CASD1: variants seen among roughly 807,000 people sequenced by gnomAD.
CASD1 encodes CAS1 domain sialic acid O acetyltransferase 1.
CASD1 carries 41 observed loss-of-function variants against 100.0 expected under a neutral mutation model. The ratio of observed to expected loss-of-function variants is 0.41; its 90% CI spans 0.32 to 0.53. The LOEUF (loss-of-function observed/expected upper bound fraction) is 0.53, where lower values mean the gene tolerates loss of function less well. Among genes scored for constraint, CASD1 ranks in the 20% least tolerant of loss-of-function variants. The pLI is 0.25. For missense variants in CASD1, 774 were observed against 948.7 expected (o/e 0.82, Z 2.42); for synonymous variants, 321 against 315.6 (o/e 1.02, Z -0.18).
intron 2 of CASD1, 150 bp from the exon 3 acceptor site, chr7:94,518,053 G>T: frequency 1.5e-6 from 1 of 646,366 alleles, no homozygotes; most frequent in Non-Finnish European, 2.5e-6. Flanking sequence ...ACGTGGAGTG[G>T]TAAGTTAAAC....
the CASD1 span, among the ~76,000 whole-genome samples, chr7:94,631,245 G>A: frequency 6.6e-5 from 10 of 151,582 alleles, no homozygotes; most frequent in East Asian, 3.9e-4. Flanking sequence ...ATCCCATTCC[G>A]CGAAACAAGA....
At chr7:94,617,808 C>T in the CASD1 span, 1 of 152,084 alleles carries the variant, frequency 6.6e-6, no homozygotes, top group Non-Finnish European at 1.5e-5. Context: ...CCACAGACTG[C>T]ATCCATGTGT....
the CASD1 span, among the ~76,000 whole-genome samples, chr7:94,604,604 T>C: frequency 6.6e-6 from 1 of 151,638 alleles, no homozygotes; most frequent in South Asian, 2.1e-4. Flanking sequence ...AAACTGATTA[T>C]CATCACAGGT....
the CASD1 span, among the ~76,000 whole-genome samples, chr7:94,586,061 GAAAAAAAAAAAA>G: frequency 1.7e-4 from 5 of 28,908 alleles, no homozygotes; most frequent in Admixed American, 1.0e-3. Context: ...GGAACTAAAT[GAAAAAAAAAAAA>G]AAAAAAAAAA....
the CASD1 span, chr7:94,626,036 A>G: frequency 6.6e-6 from 1 of 152,038 alleles, no homozygotes. Context: ...TGATGGCAAA[A>G]TTTTCATTGT....
intron 4 of CASD1, among the ~76,000 whole-genome samples, chr7:94,527,755 A>G (rs573190095): frequency 6.6e-6 from 1 of 152,310 alleles, no homozygotes; most frequent in East Asian, 1.9e-4. Context: ...TCCTAGAGAA[A>G]AAGGAGAACA....
At chr7:94,567,651 A>G in the CASD1 span, among the ~76,000 whole-genome samples, 4 of 152,184 alleles carry the variant, frequency 2.6e-5, no homozygotes, top group African/African-American at 7.2e-5. Flanking sequence ...AGGAATGTCT[A>G]CTGTTGCCAG....
Position 94,528,298 on chromosome 7 carries a change from C to A in CASD1, c.459+48C>A. On this transcript the variant is annotated intron_variant, in intron 5 of 17. Transcript: ENST00000297273. ...CTTTTTTTTTTTTTATTTTTATTCC[C>A]TTTACACAAGCATATTTTTATTCCC... is the stretch of plus-strand genomic sequence containing the variant. 3 of 1,302,460 alleles carry A rather than the reference C, an allele frequency of 2.3e-6. No homozygotes were observed. In the South Asian group the frequency reaches 3.9e-5, roughly 17 times the overall value. The allele number at this position is 1,302,460 out of a possible 1,614,324, so 80.7% of individuals were successfully genotyped here.
intron 1 of CASD1, among the ~76,000 whole-genome samples, chr7:94,512,541 A>G (rs1024526301): frequency 6.6e-6 from 1 of 152,254 alleles, no homozygotes; most frequent in African/African-American, 2.4e-5. Flanking sequence ...AGAATTACCC[A>G]CTACAGAAAG....
At chr7:94,617,512 A>G in the CASD1 span, 1 of 152,200 alleles carries the variant, frequency 6.6e-6, no homozygotes. Flanking sequence ...AGATACCCCC[A>G]TTCATCTCAT....
At chr7:94,559,977 A>G (rs1796314863), downstream of CASD1, among the ~76,000 whole-genome samples, 1 of 152,238 alleles carries the variant, frequency 6.6e-6, no homozygotes, top group Non-Finnish European at 1.5e-5. Flanking sequence ...TTCAGTAAAA[A>G]TAAAGCTTGA....
At chr7:94,512,193 T>C (rs985688518) in intron 1 of CASD1, among the ~76,000 whole-genome samples, 11 of 152,156 alleles carry the variant, frequency 7.2e-5, no homozygotes, top group African/African-American at 2.4e-4. Flanking sequence ...GTGGGCCCCA[T>C]TGGAAGAAGA....
In CASD1 at chr7:94,518,136, G is replaced by A. The variant is rs542551206; in HGVS notation, c.231-67G>A. On this transcript the variant is annotated intron_variant, in intron 2 of 17. Transcript: ENST00000297273. The stretch of plus-strand genomic sequence containing the variant: ...TCTGGATCAACTTTCTTCAAAAACG[G>A]TGTGCTTTGAAATGCCAGGATGGCT... 9.5e-5 allele frequency: 131 copies of A among 1,384,068 alleles called. No individual in the cohort carries two copies. In the African/African-American group the frequency reaches 1.7e-3, roughly 18 times the overall value. 85.7% of individuals were successfully genotyped at this position (1,384,068 alleles called of 1,614,324 possible). A position where few individuals can be genotyped will look rare whatever the true frequency, so the allele number is the denominator to read the frequency against.
intron 4 of CASD1, 90 bp downstream of exon 4, chr7:94,527,296 C>A (rs1163184893): frequency 1.3e-5 from 12 of 951,574 alleles, no homozygotes; most frequent in Admixed American, 2.0e-5. Context: ...TCAATGTATT[C>A]TTGAGAGTAG....
intron 7 of CASD1, 94 bp downstream of exon 7, chr7:94,533,896 T>C: frequency 3.5e-6 from 4 of 1,132,928 alleles, no homozygotes; most frequent in Non-Finnish European, 4.8e-6. Flanking sequence ...ATTACTGCTT[T>C]ATGAGAATTA....
intron 1 of CASD1, among the ~76,000 whole-genome samples, chr7:94,517,336 T>C (rs1454443389): frequency 6.6e-6 from 1 of 152,162 alleles, no homozygotes; most frequent in Non-Finnish European, 1.5e-5. Flanking sequence ...AATGTATCAT[T>C]AGGAGTTAGG....
chr7:94,588,775 C>A, the CASD1 span: 1 of 1,611,048 alleles, frequency 6.2e-7, no homozygotes, highest in East Asian at 2.2e-5. Context: ...TTTGTTTACA[C>A]ACTTGTAAAC....
At chr7:94,618,774 T>A in the CASD1 span, 1 of 1,613,934 alleles carries the variant, frequency 6.2e-7, no homozygotes, top group South Asian at 1.1e-5. Flanking sequence ...TTCAGGTCAT[T>A]AATGGGAAGT....
chr7:94,608,666 C>T, the CASD1 span, among the ~76,000 whole-genome samples: 1 of 152,118 alleles, frequency 6.6e-6, no homozygotes, highest in Non-Finnish European at 1.5e-5. Context: ...TACCCAACAT[C>T]AAGATTTACT....
Sources: allele counts gnomAD v4.1 joint callset (sites outside exome capture counted in the v4.1 genomes callset), GRCh38; gene constraint gnomAD v4.1.1; transcripts MANE v1.5; gene names NCBI Gene and HGNC (gene_info 2026-07-23, HGNC 2026-07-21).